The following SNX29 variants were observed in gnomAD, a reference collection of about 807,000 sequenced individuals.
SNX29 encodes the protein sorting nexin 29.
In SNX29, 78 loss-of-function variants were observed where a neutral mutation model predicts 102.1. The observed-to-expected ratio is 0.76, with a 90% CI of 0.64 to 0.92. SNX29 has a LOEUF of 0.92. Ranked by LOEUF, SNX29 falls within the 40% of genes least tolerant of loss-of-function variation. The pLI, the probability that SNX29 is intolerant of heterozygous loss-of-function variation, is 0.00. For missense variants in SNX29, 1,280 were observed against 1,061.7 expected, an observed-to-expected ratio of 1.21 and a Z score of -2.86; for synonymous variants, 580 against 414.5, an observed-to-expected ratio of 1.40 and a Z score of -4.85.
chr16:12,563,246 T>C (rs532544136), intron 20 of SNX29, among the ~76,000 whole-genome samples: 2 of 152,226 alleles, frequency 1.3e-5, no homozygotes, highest in South Asian at 2.1e-4. Flanking sequence ...CCATCATCAC[T>C]GACCCCGCCC....
chr16:12,458,633 G>C (rs1186299694), intron 18 of SNX29, among the ~76,000 whole-genome samples: 2 of 152,210 alleles, frequency 1.3e-5, no homozygotes, highest in Non-Finnish European at 2.9e-5. Context: ...CAGTCACGGC[G>C]AAGGATACAG....
chr16:12,569,432 C>G lies in SNX29; in HGVS notation c.*803C>G, dbSNP rs1033318375. 4 of 230,732 alleles carry G rather than the reference C, an allele frequency of 1.7e-5. No homozygotes were observed. Among genetic ancestry groups the G allele is most frequent in the Non-Finnish European group, 3.4e-5 (4 of 116,588 alleles). The allele number at this position is 230,732 out of a possible 1,614,324, so 14.3% of individuals were successfully genotyped here. On this transcript the variant is annotated 3_prime_UTR_variant, in exon 21 of 21. Transcript: ENST00000566228. ...GTAACCCGGCGTCATCCAGCGTGTC[C>G]AAAGTAGCATTGGCCCTACAGTCAT...
At chr16:12,104,575 CAA>C (rs150676036) in intron 11 of SNX29, among the ~76,000 whole-genome samples, 3 of 141,984 alleles carry the variant, frequency 2.1e-5, no homozygotes, top group South Asian at 2.3e-4. Flanking sequence ...AACAAATAAA[CAA>C]AAAAAAAAAA....
chr16:12,467,137 A>G (rs2087092991), intron 18 of SNX29, among the ~76,000 whole-genome samples: 1 of 152,188 alleles, frequency 6.6e-6, no homozygotes, highest in Admixed American at 6.5e-5. Flanking sequence ...TCTTTGCTAG[A>G]CCAGTGGCTC....
chr16:12,327,845 G>A (rs146001951), intron 15 of SNX29, among the ~76,000 whole-genome samples: 1 of 152,240 alleles, frequency 6.6e-6, no homozygotes, highest in African/African-American at 2.4e-5. Context: ...GACCATTTGG[G>A]ATTAGGTCTG....
intron 15 of SNX29, among the ~76,000 whole-genome samples, chr16:12,338,469 G>A (rs962045513): frequency 1.3e-4 from 20 of 152,296 alleles, no homozygotes; most frequent in Middle Eastern, 3.4e-3. Context: ...GGTTCTCACC[G>A]TGCATCAGGC....
At chr16:12,386,705 G>T (rs576834572) in intron 16 of SNX29, among the ~76,000 whole-genome samples, 50 of 152,320 alleles carry the variant, frequency 3.3e-4, no homozygotes, top group African/African-American at 1.2e-3. Flanking sequence ...AATGTGAGAT[G>T]AATCTTTCCT....
At chr16:12,534,324 C>T (rs1055188456) in intron 20 of SNX29, among the ~76,000 whole-genome samples, 1 of 152,224 alleles carries the variant, frequency 6.6e-6, no homozygotes, top group African/African-American at 2.4e-5. Flanking sequence ...GGCCTCTGTG[C>T]CCAGCCAAAT....
intron 11 of SNX29, chr16:12,088,149 A>G (rs1345626708): frequency 6.6e-6 from 3 of 456,390 alleles, no homozygotes; most frequent in Non-Finnish European, 1.3e-5. Context: ...TCTCTGCAGC[A>G]GGCCTCACAG....
chr16:12,184,806 C>T (rs1176530224), intron 13 of SNX29, among the ~76,000 whole-genome samples: 3 of 152,218 alleles, frequency 2.0e-5, no homozygotes, highest in Non-Finnish European at 2.9e-5. Flanking sequence ...TTTACTCAAG[C>T]GTAGACTAGC....
intron 10 of SNX29, among the ~76,000 whole-genome samples, chr16:12,076,289 A>G (rs2051564397): frequency 1.3e-5 from 2 of 148,226 alleles, no homozygotes; most frequent in African/African-American, 5.0e-5. Flanking sequence ...CTATTCGGCC[A>G]TCTTGGCTCC....
At chr16:12,072,767 C>A (rs558476943) in intron 10 of SNX29, among the ~76,000 whole-genome samples, 1 of 151,172 alleles carries the variant, frequency 6.6e-6, no homozygotes, top group Non-Finnish European at 1.5e-5. Context: ...TTGTACCTGT[C>A]GTAGAATTCG....
At chr16:12,099,572 C>G (rs959524404) in intron 11 of SNX29, among the ~76,000 whole-genome samples, 2 of 152,176 alleles carry the variant, frequency 1.3e-5, no homozygotes, top group Non-Finnish European at 2.9e-5. Context: ...CTTGGGTCCC[C>G]CACAGCGTTC....
At chr16:12,203,712 A>G (rs755022342) in intron 14 of SNX29, among the ~76,000 whole-genome samples, 21 of 152,146 alleles carry the variant, frequency 1.4e-4, no homozygotes, top group Admixed American at 3.3e-4. Flanking sequence ...TAAGACAACC[A>G]TCCTAGGCAG....
At chr16:12,553,097 G>C (rs1597966752) in intron 20 of SNX29, among the ~76,000 whole-genome samples, 1 of 147,592 alleles carries the variant, frequency 6.8e-6, no homozygotes, top group South Asian at 2.1e-4. Flanking sequence ...TTCAGGCTTG[G>C]CCTGGGGCTT....
chr16:11,991,319 A>G (rs376516362), intron 1 of SNX29, among the ~76,000 whole-genome samples: 4 of 152,280 alleles, frequency 2.6e-5, no homozygotes, highest in African/African-American at 9.6e-5. Context: ...AAAGGAAATG[A>G]GAGCAAAAGG....
chr16:12,552,623 C>G (rs1204572099), intron 20 of SNX29, among the ~76,000 whole-genome samples: 1 of 151,640 alleles, frequency 6.6e-6, no homozygotes, highest in African/African-American at 2.4e-5. Context: ...AAAGCAAAAA[C>G]CAAACACCAA....
Position 12,210,117 on chromosome 16 carries a change from G to C in SNX29, c.1678+10434G>C, listed in dbSNP as rs140884204. ...CCAGCCCTCAATCCATGTGGTTTAT[G>C]TGGGCCTGTCATCCCACTACGTCGG... On this transcript the variant is annotated intron_variant, in intron 14 of 20. Coordinates refer to ENST00000566228, the MANE Select transcript of SNX29 (RefSeq NM_032167.5). Among the ~76,000 whole-genome samples, 600 of 152,264 alleles carry C rather than the reference G, an allele frequency of 3.9e-3. 15 individuals carry two copies. Among genetic ancestry groups the C allele is most frequent in the Admixed American group, 0.029 (448 of 15,290 alleles).
chr16:12,199,879 G>C (rs1394429507), intron 14 of SNX29, among the ~76,000 whole-genome samples, 196 bp downstream of exon 14: 1 of 152,216 alleles, frequency 6.6e-6, no homozygotes, highest in Non-Finnish European at 1.5e-5. Flanking sequence ...AACTAGTATT[G>C]TAAGACTCAC....
Sources: allele counts gnomAD v4.1 joint callset (sites outside exome capture counted in the v4.1 genomes callset), GRCh38; gene constraint gnomAD v4.1.1; transcripts MANE v1.5; gene names NCBI Gene and HGNC (gene_info 2026-07-23, HGNC 2026-07-21).